The following PCDH15 variants were observed in gnomAD, a reference collection of about 807,000 sequenced individuals.
The protein encoded by PCDH15 is protocadherin-15.
Under a neutral mutation model 178.5 loss-of-function variants are expected in PCDH15, and 129 were observed. The observed-to-expected ratio is 0.72, with a 90% CI of 0.63 to 0.84. The LOEUF (loss-of-function observed/expected upper bound fraction) is 0.84, where lower values mean the gene tolerates loss of function less well. Among genes scored for constraint, PCDH15 ranks in the 40% least tolerant of loss-of-function variants. The probability of loss-of-function intolerance (pLI) is 0.00; values close to 1 mark genes in which losing one functional copy is unlikely to be tolerated. For missense variants in PCDH15, 2,230 were observed against 2,099.9 expected, an observed-to-expected ratio of 1.06 and a Z score of -1.21; for synonymous variants, 800 against 732.0, an observed-to-expected ratio of 1.09 and a Z score of -1.50.
At chr10:54,063,295 T>C (rs2094068906) in intron 18 of PCDH15, among the ~76,000 whole-genome samples, 1 of 152,226 alleles carries the variant, frequency 6.6e-6, no homozygotes, top group African/African-American at 2.4e-5. Flanking sequence ...TGTCACACTC[T>C]GATTTCTCTG....
chr10:54,512,655 T>G (rs2081820010), intron 3 of PCDH15, among the ~76,000 whole-genome samples: 1 of 150,560 alleles, frequency 6.6e-6, no homozygotes, highest in Admixed American at 6.6e-5. Context: ...CATTTGCAGT[T>G]TCTTAGAGGT....
At chr10:54,226,018 G>A (rs1210090760) in intron 9 of PCDH15, among the ~76,000 whole-genome samples, 1 of 152,164 alleles carries the variant, frequency 6.6e-6, no homozygotes, top group Non-Finnish European at 1.5e-5. Flanking sequence ...AGTACTGACA[G>A]TGAGAAAGAA....
intron 2 of PCDH15, among the ~76,000 whole-genome samples, chr10:55,504,338 G>A (rs1840717291): frequency 6.6e-6 from 1 of 151,258 alleles, no homozygotes; most frequent in Non-Finnish European, 1.5e-5. Flanking sequence ...TAAAAATAAA[G>A]TTAATTATTT....
At chr10:54,621,582 T>C (rs946367583) in intron 2 of PCDH15, among the ~76,000 whole-genome samples, 10 of 152,020 alleles carry the variant, frequency 6.6e-5, no homozygotes, top group Admixed American at 3.3e-4. Context: ...TCTGAATACA[T>C]AGTCTCTATC....
At chr10:54,898,628 A>G (rs1954587602) in intron 2 of PCDH15, among the ~76,000 whole-genome samples, 1 of 152,156 alleles carries the variant, frequency 6.6e-6, no homozygotes, top group South Asian at 2.1e-4. Flanking sequence ...TTTTCTATCC[A>G]ATAAATACCT....
chr10:55,481,301 T>A (rs1228509538), intron 2 of PCDH15, among the ~76,000 whole-genome samples: 3 of 151,818 alleles, frequency 2.0e-5, no homozygotes, highest in Admixed American at 6.6e-5. Flanking sequence ...GATTCATTGA[T>A]CTTTTCAATG....
intron 2 of PCDH15, among the ~76,000 whole-genome samples, chr10:55,585,130 G>A (rs1017866516): frequency 6.6e-6 from 1 of 151,618 alleles, no homozygotes; most frequent in Non-Finnish European, 1.5e-5. Flanking sequence ...CTGTAAAGAA[G>A]AATAACTCTT....
At chr10:54,872,334 C>A (rs1954054219) in intron 3 of PCDH15, among the ~76,000 whole-genome samples, 1 of 151,920 alleles carries the variant, frequency 6.6e-6, no homozygotes, top group Admixed American at 6.6e-5. Context: ...AGCTGAATAG[C>A]TGCATAGAAA....
intron 10 of PCDH15, among the ~76,000 whole-genome samples, chr10:54,206,473 T>G (rs1489330421): frequency 6.6e-6 from 1 of 152,086 alleles, no homozygotes; most frequent in Admixed American, 6.6e-5. Flanking sequence ...TTTTATTATT[T>G]TATCCTGCCT....
intron 3 of PCDH15, among the ~76,000 whole-genome samples, chr10:54,500,733 G>A (rs530116340): frequency 6.6e-6 from 1 of 152,106 alleles, no homozygotes; most frequent in Admixed American, 6.6e-5. Flanking sequence ...AGGAAGATGA[G>A]GCAGAAGAAT....
intron 3 of PCDH15, among the ~76,000 whole-genome samples, chr10:54,893,747 A>G (rs1309093284): frequency 3.3e-5 from 5 of 152,146 alleles, no homozygotes; most frequent in Non-Finnish European, 5.9e-5. Flanking sequence ...ATAATAATTC[A>G]TACTTATGAC....
At chr10:55,052,502 C>A (rs1841189041) in intron 2 of PCDH15, among the ~76,000 whole-genome samples, 2 of 109,392 alleles carry the variant, frequency 1.8e-5, no homozygotes, top group Non-Finnish European at 3.4e-5. Flanking sequence ...GAGTTCAAGA[C>A]CAGCCTGGCA....
chr10:55,478,706 G>A (rs758011576), intron 2 of PCDH15, among the ~76,000 whole-genome samples: 8 of 150,826 alleles, frequency 5.3e-5, no homozygotes, highest in African/African-American at 9.7e-5. Flanking sequence ...GAGATAAAGA[G>A]TTGGGCTTTT....
In PCDH15 at chr10:55,057,200, C is replaced by G. The variant is rs376485467; in HGVS notation, c.-80+109376G>C. On this transcript the variant is annotated intron_variant, in intron 2 of 5. Coordinates refer to the PCDH15 transcript ENST00000458638. The stretch of plus-strand genomic sequence containing the variant: ...CTCAGACAACTTTTTATTATTCCTT[C>G]TTTTAATTTATCATTTGGTCTTTAA... 2.0e-5 allele frequency among the ~76,000 whole-genome samples: 3 copies of G among 152,122 alleles called. No individual in the cohort carries two copies. The East Asian group carries it at 5.8e-4, about 29-fold the overall frequency.
At chr10:55,357,003 C>T (rs1037265609) in intron 2 of PCDH15, among the ~76,000 whole-genome samples, 1 of 151,794 alleles carries the variant, frequency 6.6e-6, no homozygotes, top group Non-Finnish European at 1.5e-5. Context: ...CACATAGTGC[C>T]CTGTAACACC....
At chr10:54,874,274 C>A (rs1214714271) in intron 3 of PCDH15, among the ~76,000 whole-genome samples, 3 of 146,066 alleles carry the variant, frequency 2.1e-5, no homozygotes, top group Non-Finnish European at 4.5e-5. Flanking sequence ...TTTCCAATTT[C>A]ATCCATGTCC....
chr10:54,947,330 A>C (rs1456442872), intron 2 of PCDH15, among the ~76,000 whole-genome samples: 1 of 151,946 alleles, frequency 6.6e-6, no homozygotes, highest in Middle Eastern at 3.2e-3. Flanking sequence ...ATAGTTTTAA[A>C]TATAATGCAA....
At chr10:53,973,724 T>C (rs2089957087) in intron 21 of PCDH15, among the ~76,000 whole-genome samples, 1 of 152,102 alleles carries the variant, frequency 6.6e-6, no homozygotes, top group Non-Finnish European at 1.5e-5. Flanking sequence ...GACCACAGCA[T>C]TTAAATAGAT....
intron 8 of PCDH15, among the ~76,000 whole-genome samples, chr10:54,285,903 T>C (rs2058999241): frequency 1.3e-5 from 2 of 152,144 alleles, no homozygotes; most frequent in South Asian, 4.1e-4. Flanking sequence ...ATAAATCCTG[T>C]TATTCAAGGC....
Sources: gnomAD v4.1 joint callset for allele counts (sites outside exome capture counted in the v4.1 genomes callset) on GRCh38, gnomAD v4.1.1 for gene constraint, MANE v1.5 for transcripts, NCBI Gene and HGNC (gene_info 2026-07-23, HGNC 2026-07-21) for gene names.